Variants in NANOS3 observed in about 807,000 individuals in gnomAD.
NANOS3 encodes the protein nanos homolog 3.
Under a neutral mutation model 13.8 loss-of-function variants are expected in NANOS3, and 11 were observed. That is an observed-to-expected ratio of 0.80 (90% CI 0.50 to 1.32). NANOS3 has a LOEUF of 1.32. Ranked by LOEUF, NANOS3 falls within the 40% of genes most tolerant of loss-of-function variation. The pLI is 0.00. For synonymous variants in NANOS3, 119 were observed against 115.4 expected, an observed-to-expected ratio of 1.03 and a Z score of -0.20; for missense variants, 221 against 263.8, an observed-to-expected ratio of 0.84 and a Z score of 1.12.
intron 1 of NANOS3, among the ~76,000 whole-genome samples, chr19:13,870,670 C>G (rs1043015231): frequency 6.9e-6 from 1 of 145,022 alleles, no homozygotes; most frequent in African/African-American, 2.6e-5. Flanking sequence ...CAGGTTCAAG[C>G]AATTCTCGTG....
chr19:13,865,112 G>A (rs1599296349), upstream of NANOS3, among the ~76,000 whole-genome samples: 1 of 151,890 alleles, frequency 6.6e-6, no homozygotes, highest in Non-Finnish European at 1.5e-5. Context: ...GTCCCGGTGC[G>A]CCTGGCAGGA....
At position 13,877,261 on chromosome 19, in the gene NANOS3, G is replaced by C. The variant is rs1599304923; in HGVS notation, c.13G>C (p.Asp5His). 6.2e-6 allele frequency: 10 copies of C among 1,608,806 alleles called. No homozygotes were observed. In the East Asian group the frequency reaches 2.2e-4, roughly 36 times the overall value. The change falls in exon 1 of 2, where the codon GAC (aspartate) becomes CAC (histidine). Residue 5 changes from aspartate to histidine, a missense_variant. This residue lies in a region of NANOS3 where 112 missense variants were observed against 116.3 expected (regional missense o/e 0.96). Transcript: ENST00000339133. ...ATGCTGCCCAGCTATGGGGACCTTTGACCTGTGGACAGATTACCTGGGTTT... is the reference window on the plus strand; with the variant it reads ...ATGCTGCCCAGCTATGGGGACCTTTCACCTGTGGACAGATTACCTGGGTTT... MGTFDLWTDYLGLAH... is the reference protein window; with the variant it reads MGTFHLWTDYLGLAH...
At chr19:13,873,161 T>C (rs573530407), upstream of NANOS3, among the ~76,000 whole-genome samples, 276 of 147,674 alleles carry the variant, frequency 1.9e-3, 1 homozygote, top group Middle Eastern at 0.01. Flanking sequence ...GGAGTCTATA[T>C]GGGCGGGTTT....
upstream of NANOS3, among the ~76,000 whole-genome samples, chr19:13,865,160 C>A (rs556926904): frequency 3.2e-3 from 491 of 151,470 alleles, 3 homozygotes; most frequent in African/African-American, 0.012. Context: ...GGACCCACCG[C>A]CCGGCGCGGC....
chr19:13,877,314 G>A lies in NANOS3; in HGVS notation c.66G>A (p.Gly22=). 5.6e-6 allele frequency: 9 copies of A among 1,613,118 alleles called. No individual in the cohort carries two copies. The highest frequency in any genetic ancestry group is 7.6e-6 in the Non-Finnish European group (9 of 1,180,010). The change falls in exon 1 of 2, where the codon GGG becomes GGA. Residue 22 remains glycine (G), a synonymous_variant. Transcript: ENST00000339133. ...CACACCTGGTTAGGGCTCTGAGTGG[G>A]AAAGAGGGTCCTGAAACCAGGCTGA... The part of the protein sequence containing the change: ...GLAHLVRALS[G]KEGPETRLSP...
chr19:13,874,926 G>A (rs201654897), upstream of NANOS3: 11 of 530,466 alleles, frequency 2.1e-5, no homozygotes, highest in Non-Finnish European at 3.5e-5. Flanking sequence ...CATTGTTGTC[G>A]GTGGGTTGTG....
At position 13,877,147 on chromosome 19, in the gene NANOS3, G is replaced by A. The variant is rs1000108848; in HGVS notation, c.-102G>A. The A allele has an allele frequency of 2.1e-5, 21 of 993,586 alleles. No individual in the cohort carries two copies. Among genetic ancestry groups the A allele is most frequent in the Middle Eastern group, 2.3e-4 (1 of 4,442 alleles). The allele number at this position is 993,586 out of a possible 1,614,324, so 61.5% of individuals were successfully genotyped here. On this transcript the variant is annotated 5_prime_UTR_variant, in exon 1 of 2. Coordinates refer to ENST00000339133, the MANE Select transcript of NANOS3 (RefSeq NM_001098622.3). ...GCACAGACTCCCAGGCTCCAGAGAG[G>A]GGAAGGAAGGGGCAGCAGAGAGGGG...
rs1027559148 is a variant in NANOS3 at position 13,867,270 on chromosome 19, G to C, written n.21+1833G>C. Among the ~76,000 whole-genome samples the C allele has an allele frequency of 2.4e-4, 37 of 151,772 alleles. 2 individuals are homozygous for C. ...TTTCCTTTTTATTTTTTTGAGACAG[G>C]GTCTCACTCTGCTGCCTAGGCTGGA... On this transcript the variant is annotated intron_variant and non_coding_transcript_variant, in intron 1 of 2. Transcript: ENST00000591161.
chr19:13,878,569 TTTA>T (rs1439740386), intron 1 of NANOS3, among the ~76,000 whole-genome samples: 1 of 151,850 alleles, frequency 6.6e-6, no homozygotes, highest in Non-Finnish European at 1.5e-5. Flanking sequence ...AAAGAAGACT[TTTA>T]TTTTATTTAT....
upstream of NANOS3, among the ~76,000 whole-genome samples, chr19:13,863,991 C>T (rs913152939): frequency 1.1e-4 from 16 of 152,112 alleles, no homozygotes; most frequent in African/African-American, 3.9e-4. Context: ...TCAAAGGTTT[C>T]TCCATCCCCC....
chr19:13,880,302 G>A (rs1968606511), intron 1 of NANOS3, 140 bp from the exon 2 acceptor site: 6 of 718,638 alleles, frequency 8.3e-6, no homozygotes, highest in East Asian at 2.8e-5. Flanking sequence ...AGCCAGAGAC[G>A]TCACGGGGTC....
At chr19:13,863,041 A>G (rs1976180892), upstream of NANOS3, among the ~76,000 whole-genome samples, 1 of 152,220 alleles carries the variant, frequency 6.6e-6, no homozygotes, top group Non-Finnish European at 1.5e-5. Flanking sequence ...CCTTCTAAAG[A>G]GAATAGTCCC....
At position 13,880,657 on chromosome 19, in the gene NANOS3, G is replaced by T; in HGVS notation, c.*154G>T. 1 of 660,818 alleles carries T rather than the reference G, an allele frequency of 1.5e-6. No individual in the cohort carries two copies. The allele number at this position is 660,818 out of a possible 1,614,324, so 40.9% of individuals were successfully genotyped here. ...GGTTGGCAAGGGAAGAGCTGAAATC[G>T]CCCTGTCCTTGGGGACCCCACCCTT... On this transcript the variant is annotated 3_prime_UTR_variant, in exon 2 of 2. Transcript: ENST00000339133.
At chr19:13,869,716 G>C (rs539375325) in intron 1 of NANOS3, among the ~76,000 whole-genome samples, 1 of 150,848 alleles carries the variant, frequency 6.6e-6, no homozygotes, top group African/African-American at 2.4e-5. Flanking sequence ...AGGTCCTGAC[G>C]ACCTCCCCCA....
upstream of NANOS3, among the ~76,000 whole-genome samples, chr19:13,876,629 C>T (rs1968519289): frequency 6.6e-6 from 1 of 152,132 alleles, no homozygotes; most frequent in Admixed American, 6.5e-5. Context: ...GCAACCAGCC[C>T]ATGAGCCTGG....
In NANOS3 at chr19:13,870,788, T is replaced by C. The variant is rs1206749925; in HGVS notation, n.21+5351T>C. Among the ~76,000 whole-genome samples the C allele has an allele frequency of 3.3e-5, 5 of 151,348 alleles. No homozygotes were observed. The East Asian group carries it at 9.8e-4, about 30-fold the overall frequency. ...AGAGATGGGGTTTCACCATGTTGGT[T>C]AGGCTGGTCTCGAACTCCTGACCTC... On this transcript the variant is annotated intron_variant and non_coding_transcript_variant, in intron 1 of 2. Coordinates refer to the NANOS3 transcript ENST00000591161.
At chr19:13,870,560 CTTTTTTT>C (rs34524831) in intron 1 of NANOS3, among the ~76,000 whole-genome samples, 3 of 71,626 alleles carry the variant, frequency 4.2e-5, no homozygotes, top group East Asian at 4.8e-4. Flanking sequence ...GATAGCGTGG[CTTTTTTT>C]TTTTTTTTTT....
chr19:13,862,160 A>G (rs1014540381), upstream of NANOS3: 22 of 152,418 alleles, frequency 1.4e-4, no homozygotes, highest in African/African-American at 5.1e-4. Flanking sequence ...AATGCGTTGC[A>G]GCAAGAAGGA....
rs762748589 is a variant in NANOS3 at position 13,877,566 on chromosome 19, C to T, written c.318C>T (p.Ile106=). ...KDEAGRVLCP[I]LRDYVCPQCG... is the part of the protein sequence containing the mutation. ...AGGCTGGCAGGGTGCTGTGTCCCAT[C>T]CTGCGGGACTACGTGTGTCCCCAGT... Residue 106 remains isoleucine, a synonymous_variant, in exon 1 of 2, where the codon ATC becomes ATT. Transcript: ENST00000339133. 1 of 1,612,350 alleles carries T rather than the reference C, an allele frequency of 6.2e-7. No individual in the cohort carries two copies. Among genetic ancestry groups the T allele is most frequent in the South Asian group, 1.1e-5 (1 of 91,078 alleles).
Sources: allele counts gnomAD v4.1 joint callset (sites outside exome capture counted in the v4.1 genomes callset), GRCh38; gene constraint gnomAD v4.1.1; regional missense constraint gnomAD v4.1.1; transcripts MANE v1.5; gene names NCBI Gene and HGNC (gene_info 2026-07-23, HGNC 2026-07-21).